The following FAM234A variants were observed in gnomAD, a reference collection of about 807,000 sequenced individuals.
FAM234A encodes family with sequence similarity 234 member A, also known as protein FAM234A.
A neutral mutation model predicts 49.1 loss-of-function variants in FAM234A; 42 were observed. That is an observed-to-expected ratio of 0.86 (90% CI 0.67 to 1.11). The LOEUF (loss-of-function observed/expected upper bound fraction) is 1.11, where lower values mean the gene tolerates loss of function less well. FAM234A is among the 50% of genes least tolerant of loss of function. FAM234A has a pLI of 0.00. For missense variants in FAM234A, 815 were observed against 745.2 expected, an observed-to-expected ratio of 1.09 and a Z score of -1.09; for synonymous variants, 369 against 316.2, an observed-to-expected ratio of 1.17 and a Z score of -1.77.
chr16:258,482 G>C (rs547759878), intron 3 of FAM234A, among the ~76,000 whole-genome samples: 1 of 146,914 alleles, frequency 6.8e-6, no homozygotes, highest in Non-Finnish European at 1.5e-5. Flanking sequence ...TAAGGTCACC[G>C]ATCAACAGGA....
chr16:261,725 ATGG>A (rs2051474766), intron 6 of FAM234A, among the ~76,000 whole-genome samples: 1 of 152,176 alleles, frequency 6.6e-6, no homozygotes, highest in African/African-American at 2.4e-5. Context: ...CTCCCCAAGA[ATGG>A]TGGAGTACAC....
chr16:254,756 G>A, intron 3 of FAM234A, 75 bp downstream of exon 3: 1 of 1,438,582 alleles, frequency 7.0e-7, no homozygotes, highest in African/African-American at 1.4e-5. Flanking sequence ...GGGCAGAACT[G>A]TGTCTGCGAG....
intron 2 of FAM234A, among the ~76,000 whole-genome samples, chr16:253,544 G>A (rs370344751): frequency 2.6e-5 from 4 of 151,428 alleles, no homozygotes; most frequent in African/African-American, 9.7e-5. Flanking sequence ...GCGTGATCTC[G>A]GCTCACTGCA....
In FAM234A at chr16:265,153, C is replaced by T; in HGVS notation, c.*131C>T. ...CCTGGTGATGGTCGCCACTGGGCAG[C>T]AGCAGCCTTACCAGTCCTCCATGAT... On this transcript the variant is annotated 3_prime_UTR_variant, in exon 13 of 13. Transcript: ENST00000399932. The T allele has an allele frequency of 1.4e-6, 2 of 1,439,438 alleles. No individual in the cohort carries two copies. The highest frequency in any genetic ancestry group is 1.8e-6 in the Non-Finnish European group (2 of 1,100,230). 89.2% of individuals were successfully genotyped at this position (1,439,438 alleles called of 1,614,324 possible).
In FAM234A at chr16:263,275, C is replaced by T. The variant is rs374055434; in HGVS notation, c.985C>T (p.Arg329Cys). 12 of 1,612,696 alleles carry T rather than the reference C, an allele frequency of 7.4e-6. No individual in the cohort carries two copies. The highest frequency in any genetic ancestry group is 2.7e-5 in the African/African-American group (2 of 74,932). ...RMLSHSSGAV[R>C]YLMHVPGNAG... ...TCTCCTGTCTAGCTCTGGAGCAGTG[C>T]GCTACCTGATGCATGTCCCAGGGAA... The change falls in exon 9 of 13, where the codon CGC becomes TGC. Residue 329 changes from arginine to cysteine, a missense_variant. Physicochemically the swap from Arg to Cys is radical, Grantham distance 180 (BLOSUM62 -3). Transcript: ENST00000399932.
Position 265,177 on chromosome 16 carries a change from A to G in FAM234A, c.*155A>G. 7.0e-7 allele frequency: 1 copy of G among 1,425,184 alleles called. No homozygotes were observed. 88.3% of individuals were successfully genotyped at this position (1,425,184 alleles called of 1,614,324 possible). On this transcript the variant is annotated 3_prime_UTR_variant, in exon 13 of 13. Coordinates refer to ENST00000399932, the MANE Select transcript of FAM234A (RefSeq NM_032039.4). ...GCAGCAGCCTTACCAGTCCTCCATGATCACACCCAGGGACCTGCATGGGTG... is the reference window on the plus strand; with the variant it reads ...GCAGCAGCCTTACCAGTCCTCCATGGTCACACCCAGGGACCTGCATGGGTG...
intron 2 of FAM234A, among the ~76,000 whole-genome samples, chr16:250,971 T>G (rs1161920900): frequency 1.3e-5 from 2 of 152,216 alleles, no homozygotes; most frequent in Non-Finnish European, 2.9e-5. Context: ...TTTGTTTTGT[T>G]TTTGAGAAGG....
Position 238,720 on chromosome 16 carries a change from C to A in FAM234A, c.-140+3863C>A, listed in dbSNP as rs929081981. Among the ~76,000 whole-genome samples the A allele has an allele frequency of 1.2e-4, 16 of 129,042 alleles. No homozygotes were observed. In the East Asian group the frequency reaches 3.4e-3, roughly 27 times the overall value. 84.7% of individuals were successfully genotyped at this position (129,042 alleles called of 152,430 possible). A position where few individuals can be genotyped will look rare whatever the true frequency, so the allele number is the denominator to read the frequency against. ...GGCGGAGGTTGTAGTGAGCAGAGAT[C>A]GTGCCACTGCACTCCAGCCTGGGCG... On this transcript the variant is annotated intron_variant, in intron 1 of 12. Coordinates refer to ENST00000399932, the MANE Select transcript of FAM234A (RefSeq NM_032039.4).
chr16:244,682 CTTTTTTT>C (rs59549388), intron 1 of FAM234A, among the ~76,000 whole-genome samples: 23 of 86,740 alleles, frequency 2.7e-4, no homozygotes, highest in Admixed American at 1.6e-3. Flanking sequence ...ATGGTAACCT[CTTTTTTT>C]TTTTTTTTTT....
intron 11 of FAM234A, 61 bp from the exon 12 acceptor site, chr16:264,553 G>A (rs1290734636): frequency 4.6e-6 from 5 of 1,096,434 alleles, no homozygotes; most frequent in African/African-American, 1.5e-5. Flanking sequence ...CACTCTGACA[G>A]CAGTGTCCTG....
At chr16:263,660 A>G (rs1360355166) in intron 9 of FAM234A, 40 bp from the exon 10 acceptor site, 11 of 1,522,828 alleles carry the variant, frequency 7.2e-6, no homozygotes, top group Non-Finnish European at 1.0e-5. Flanking sequence ...CAGTCTCCTC[A>G]CTGAGACCCC....
Position 260,156 on chromosome 16 carries a change from C to G in FAM234A, c.573C>G (p.Phe191Leu). ...GTTCTTTCATTGCAGTCAACTTGTTCACAGGTAGGCCAGCCAGGCAGCGGG... is the reference window on the plus strand; with the variant it reads ...GTTCTTTCATTGCAGTCAACTTGTTGACAGGTAGGCCAGCCAGGCAGCGGG... ...RPSSFIAVNL[F>L]TGETLWNHSS... The change falls in exon 5 of 13, where the codon TTC (phenylalanine) becomes TTG (leucine). Residue 191 changes from phenylalanine (F) to leucine (L), a missense_variant. Physicochemically the swap from Phe to Leu is conservative, Grantham distance 22. Coordinates refer to ENST00000399932, the MANE Select transcript of FAM234A (RefSeq NM_032039.4). 6.2e-7 allele frequency: 1 copy of G among 1,613,382 alleles called. No homozygotes were observed. The highest frequency in any genetic ancestry group is 1.1e-5 in the South Asian group (1 of 91,046).
chr16:265,214 T>G lies in FAM234A; in HGVS notation c.*192T>G. 1.4e-6 allele frequency: 2 copies of G among 1,401,288 alleles called. No homozygotes were observed. Among genetic ancestry groups the G allele is most frequent in the Non-Finnish European group, 1.8e-6 (2 of 1,081,458 alleles). The allele number at this position is 1,401,288 out of a possible 1,614,324, so 86.8% of individuals were successfully genotyped here. ...GACCTGCATGGGTGAGGGGACACCC[T>G]GGGCCTCTCTCCCGCCCAGCATCCT... On this transcript the variant is annotated 3_prime_UTR_variant, in exon 13 of 13. Transcript: ENST00000399932.
intron 5 of FAM234A, chr16:260,466 C>T (rs1161750366): frequency 2.0e-6 from 1 of 498,596 alleles, no homozygotes; most frequent in Admixed American, 2.5e-5. Context: ...GCGGCTTGGC[C>T]CCCGGCTGCT....
chr16:269,577 GT>G, downstream of FAM234A: 1 of 1,612,972 alleles, frequency 6.2e-7, no homozygotes, highest in Non-Finnish European at 8.5e-7. Context: ...GGAACCTTGG[GT>G]AGGAGTCCTA....
chr16:239,211 A>C (rs950446990), intron 1 of FAM234A, among the ~76,000 whole-genome samples: 1 of 135,140 alleles, frequency 7.4e-6, no homozygotes, highest in African/African-American at 2.9e-5. Flanking sequence ...GAGGCAGGAG[A>C]ATCGCTTGAA....
intron 11 of FAM234A, 127 bp from the exon 12 acceptor site, chr16:264,487 T>C: frequency 1.3e-6 from 1 of 763,198 alleles, no homozygotes; most frequent in Non-Finnish European, 2.1e-6. Flanking sequence ...AACTGGGGGC[T>C]GGCATTTGGG....
At chr16:259,934 G>C (rs2141331410) in intron 4 of FAM234A, 35 bp from the exon 5 acceptor site, 1 of 1,596,350 alleles carries the variant, frequency 6.3e-7, no homozygotes, top group Non-Finnish European at 8.6e-7. Context: ...TGCCCAGATG[G>C]TGCAACAGTG....
chr16:256,328 C>G (rs1243644304), intron 3 of FAM234A, among the ~76,000 whole-genome samples: 1 of 152,166 alleles, frequency 6.6e-6, no homozygotes, highest in Non-Finnish European at 1.5e-5. Flanking sequence ...TCCATTCCTA[C>G]TACAATGCTG....
Sources: gnomAD v4.1 joint callset for allele counts (sites outside exome capture counted in the v4.1 genomes callset) on GRCh38, gnomAD v4.1.1 for gene constraint, MANE v1.5 for transcripts, NCBI Gene and HGNC (gene_info 2026-07-23, HGNC 2026-07-21) for gene names.